Variants in PLCB1 observed in about 807,000 individuals in gnomAD.
PLCB1 encodes the protein phospholipase C beta 1, also known as 1-phosphatidylinositol 4,5-bisphosphate phosphodiesterase beta-1.
Under a neutral mutation model 161.8 loss-of-function variants are expected in PLCB1, and 46 were observed. The observed-to-expected ratio is 0.28, with a 90% confidence interval of 0.22 to 0.36. PLCB1 has a LOEUF of 0.36. Among genes scored for constraint, PLCB1 ranks in the 10% least tolerant of loss-of-function variants. The pLI is 1.00. For missense variants in PLCB1, 1,016 were observed against 1,472.5 expected (o/e 0.69, Z 5.07); for synonymous variants, 517 against 503.7 (o/e 1.03, Z -0.35).
At chr20:8,494,987 C>T (rs1983100975) in intron 3 of PLCB1, among the ~76,000 whole-genome samples, 1 of 151,906 alleles carries the variant, frequency 6.6e-6, no homozygotes. Flanking sequence ...TTCCCCTTTT[C>T]TTTCTTCTTT....
intron 14 of PLCB1, among the ~76,000 whole-genome samples, chr20:8,719,959 G>A (rs377289939): frequency 2.0e-5 from 3 of 151,986 alleles, no homozygotes; most frequent in Admixed American, 6.6e-5. Flanking sequence ...ATCAACAGAC[G>A]TTATATAATT....
intron 31 of PLCB1, among the ~76,000 whole-genome samples, chr20:8,799,032 G>T (rs1984164801): frequency 2.0e-5 from 3 of 152,298 alleles, no homozygotes; most frequent in African/African-American, 7.2e-5. Context: ...GATTGCTATT[G>T]TCTATTGGCC....
intron 20 of PLCB1, 103 bp downstream of exon 20, chr20:8,737,295 T>G (rs1980634178): frequency 1.0e-6 from 1 of 992,288 alleles, no homozygotes; most frequent in Non-Finnish European, 1.5e-6. Flanking sequence ...ATTTGAAAAT[T>G]TACACACTTA....
chr20:8,551,029 C>T (rs765551864), intron 3 of PLCB1, among the ~76,000 whole-genome samples: 17 of 152,120 alleles, frequency 1.1e-4, no homozygotes, highest in Admixed American at 3.9e-4. Flanking sequence ...TTTTTGTTGT[C>T]GTTCTCACAT....
intron 3 of PLCB1, among the ~76,000 whole-genome samples, chr20:8,447,749 A>G (rs1287468979): frequency 2.6e-5 from 4 of 152,226 alleles, no homozygotes; most frequent in Non-Finnish European, 5.9e-5. Context: ...CCATTAGTCA[A>G]CAAAGGCTGG....
At chr20:8,455,264 G>A (rs74183558) in intron 3 of PLCB1, among the ~76,000 whole-genome samples, 2 of 148,306 alleles carry the variant, frequency 1.3e-5, no homozygotes, top group East Asian at 4.0e-4. Context: ...GGAGGTGGAG[G>A]TTGCGATGAG....
intron 2 of PLCB1, among the ~76,000 whole-genome samples, chr20:8,230,098 CAG>C (rs1979944689): frequency 1.1e-5 from 1 of 91,480 alleles, no homozygotes; most frequent in Non-Finnish European, 2.7e-5. Flanking sequence ...ATCTGAAAAA[CAG>C]AAAACAAAGT....
chr20:8,335,237 G>T (rs967546314), intron 2 of PLCB1, among the ~76,000 whole-genome samples: 1 of 152,130 alleles, frequency 6.6e-6, no homozygotes, highest in Non-Finnish European at 1.5e-5. Flanking sequence ...TTTGGTGCTG[G>T]AGGTGACAAG....
chr20:8,218,814 G>T (rs1041643941), intron 2 of PLCB1, among the ~76,000 whole-genome samples: 11 of 151,988 alleles, frequency 7.2e-5, no homozygotes. Flanking sequence ...GCACATTCCT[G>T]CACAAGTTTC....
chr20:8,186,745 T>TG (rs137878803), intron 2 of PLCB1, among the ~76,000 whole-genome samples: 6,820 of 152,204 alleles, frequency 0.045, 197 homozygotes, highest in Middle Eastern at 0.13. Flanking sequence ...GGGAGGCAGC[T>TG]GGGGGCAGCT....
chr20:8,238,054 C>A (rs573259067), intron 2 of PLCB1, among the ~76,000 whole-genome samples: 1 of 151,964 alleles, frequency 6.6e-6, no homozygotes, highest in South Asian at 2.1e-4. Context: ...TGAAACTCAA[C>A]GAAATCTTTT....
At chr20:8,437,724 C>T (rs1255475715) in intron 3 of PLCB1, among the ~76,000 whole-genome samples, 2 of 152,060 alleles carry the variant, frequency 1.3e-5, no homozygotes, top group Non-Finnish European at 2.9e-5. Context: ...AAGAAAAATT[C>T]CCTATTCAAT....
intron 2 of PLCB1, among the ~76,000 whole-genome samples, chr20:8,155,419 C>A (rs948533357): frequency 6.6e-6 from 1 of 152,114 alleles, no homozygotes; most frequent in Non-Finnish European, 1.5e-5. Flanking sequence ...TTAATGGCAA[C>A]CATAGATAGT....
chr20:8,273,566 C>T (rs1568613469), intron 2 of PLCB1, among the ~76,000 whole-genome samples: 3 of 152,066 alleles, frequency 2.0e-5, no homozygotes, highest in South Asian at 2.1e-4. Flanking sequence ...GCATCCAGCC[C>T]GAGAAATTTC....
chr20:8,473,847 A>T (rs1982157433), intron 3 of PLCB1, among the ~76,000 whole-genome samples: 2 of 152,338 alleles, frequency 1.3e-5, no homozygotes, highest in East Asian at 3.9e-4. Context: ...CAAAAACCTG[A>T]TGCAGAACCT....
At chr20:8,566,177 A>G (rs990270741) in intron 3 of PLCB1, among the ~76,000 whole-genome samples, 1 of 152,192 alleles carries the variant, frequency 6.6e-6, no homozygotes, top group African/African-American at 2.4e-5. Context: ...TGACTGCCTT[A>G]CAACAGGCTA....
chr20:8,618,596 C>T (rs181235589), intron 3 of PLCB1, among the ~76,000 whole-genome samples: 9 of 152,218 alleles, frequency 5.9e-5, no homozygotes, highest in Admixed American at 5.2e-4. Context: ...AATCACATAA[C>T]TCACAAGACA....
intron 11 of PLCB1, among the ~76,000 whole-genome samples, chr20:8,701,560 T>C (rs1018095996): frequency 2.0e-5 from 3 of 152,222 alleles, no homozygotes; most frequent in African/African-American, 7.2e-5. Context: ...AAGGCACTTA[T>C]CATATCACCT....
At chr20:8,585,613 T>A (rs1240146710) in intron 3 of PLCB1, among the ~76,000 whole-genome samples, 1 of 152,174 alleles carries the variant, frequency 6.6e-6, no homozygotes, top group Non-Finnish European at 1.5e-5. Context: ...TTTTTACCCC[T>A]CTTGACGTGA....
Sources: allele counts gnomAD v4.1 joint callset (sites outside exome capture counted in the v4.1 genomes callset), GRCh38; gene constraint gnomAD v4.1.1; transcripts MANE v1.5; gene names NCBI Gene and HGNC (gene_info 2026-07-23, HGNC 2026-07-21).